Variants in MACROD2 observed in about 807,000 individuals in gnomAD.
MACROD2 encodes ADP-ribose glycohydrolase MACROD2.
Under a neutral mutation model 70.4 loss-of-function variants are expected in MACROD2, and 36 were observed. The ratio of observed to expected loss-of-function variants is 0.51; its 90% CI spans 0.39 to 0.68. The LOEUF (loss-of-function observed/expected upper bound fraction) is 0.68. Ranked by LOEUF, MACROD2 falls within the 30% of genes least tolerant of loss-of-function variation. The probability of loss-of-function intolerance (pLI) is 0.00; values close to 1 mark genes in which losing one functional copy is unlikely to be tolerated. For synonymous variants in MACROD2, 172 were observed against 178.8 expected (o/e 0.96, Z 0.30); for missense variants, 496 against 538.4 (o/e 0.92, Z 0.78).
chr20:14,572,435 T>C (rs1980255099), intron 4 of MACROD2, among the ~76,000 whole-genome samples: 1 of 152,010 alleles, frequency 6.6e-6, no homozygotes, highest in Admixed American at 6.6e-5. Context: ...CCTAGGTGTA[T>C]ACTCAAGAAA....
At chr20:14,953,686 T>C (rs529578290) in intron 5 of MACROD2, among the ~76,000 whole-genome samples, 1 of 152,186 alleles carries the variant, frequency 6.6e-6, no homozygotes, top group Non-Finnish European at 1.5e-5. Flanking sequence ...TCACACAGAA[T>C]TCTGTCAAGA....
intron 3 of MACROD2, among the ~76,000 whole-genome samples, chr20:14,178,224 G>C (rs1293359486): frequency 6.6e-6 from 1 of 152,126 alleles, no homozygotes; most frequent in Non-Finnish European, 1.5e-5. Context: ...ACAAAGAAAT[G>C]ATAAATGCAT....
At chr20:14,011,818 C>T (rs1365419491) in intron 2 of MACROD2, among the ~76,000 whole-genome samples, 6 of 152,138 alleles carry the variant, frequency 3.9e-5, no homozygotes, top group East Asian at 3.9e-4. Context: ...CCTGAGCCAC[C>T]GCGCCTGGCC....
chr20:16,039,575 G>A (rs989735824), intron 15 of MACROD2, among the ~76,000 whole-genome samples: 1 of 151,774 alleles, frequency 6.6e-6, no homozygotes. Context: ...CAAATATTTT[G>A]TTCTTGCTCC....
At chr20:15,153,415 A>G (rs1424677800) in intron 5 of MACROD2, among the ~76,000 whole-genome samples, 3 of 152,136 alleles carry the variant, frequency 2.0e-5, no homozygotes, top group African/African-American at 4.8e-5. Flanking sequence ...AGATAATGTC[A>G]TCAGCTAAGG....
intron 5 of MACROD2, among the ~76,000 whole-genome samples, chr20:15,110,127 A>G (rs2075943279): frequency 1.3e-5 from 2 of 152,164 alleles, no homozygotes; most frequent in African/African-American, 2.4e-5. Flanking sequence ...AAGTGCTATC[A>G]TTTAATTTAC....
chr20:15,309,428 C>T (rs534118392), intron 6 of MACROD2, among the ~76,000 whole-genome samples: 2 of 152,254 alleles, frequency 1.3e-5, no homozygotes, highest in African/African-American at 4.8e-5. Flanking sequence ...GCTGGCATCA[C>T]CCTAATTGGC....
intron 5 of MACROD2, among the ~76,000 whole-genome samples, chr20:14,884,086 C>T (rs755410014): frequency 1.3e-5 from 2 of 152,176 alleles, no homozygotes; most frequent in Non-Finnish European, 2.9e-5. Flanking sequence ...AAAGCACACT[C>T]TCTTCTTTCC....
chr20:16,013,727 G>A (rs1555565), intron 15 of MACROD2, among the ~76,000 whole-genome samples: 14,216 of 152,276 alleles, frequency 0.093, 662 homozygotes, highest in East Asian at 0.14. Context: ...GAGAGAGACA[G>A]AGAAAGTAAC....
intron 2 of MACROD2, among the ~76,000 whole-genome samples, chr20:14,047,924 A>G (rs2053502289): frequency 6.6e-6 from 1 of 152,222 alleles, no homozygotes. Flanking sequence ...TAAAACTTCA[A>G]AATTTCAAGT....
intron 4 of MACROD2, among the ~76,000 whole-genome samples, chr20:14,624,183 A>T: frequency 6.6e-6 from 1 of 152,192 alleles, no homozygotes; most frequent in East Asian, 1.9e-4. Flanking sequence ...GGTCTTCTCC[A>T]TCAGCTTTAG....
At chr20:15,312,187 A>C (rs536706331) in intron 6 of MACROD2, among the ~76,000 whole-genome samples, 2 of 152,352 alleles carry the variant, frequency 1.3e-5, no homozygotes, top group South Asian at 2.1e-4. Flanking sequence ...GTAGGAATTT[A>C]TCCTATATAC....
chr20:14,857,361 G>C (rs2073266245), intron 5 of MACROD2, among the ~76,000 whole-genome samples: 1 of 152,192 alleles, frequency 6.6e-6, no homozygotes, highest in African/African-American at 2.4e-5. Context: ...ACCTGAACAA[G>C]GTGAAGACAC....
At chr20:14,040,271 G>A (rs1357901216) in intron 2 of MACROD2, among the ~76,000 whole-genome samples, 2 of 152,076 alleles carry the variant, frequency 1.3e-5, no homozygotes, top group African/African-American at 4.8e-5. Context: ...GGCTACGAAA[G>A]TATACAGCAT....
At chr20:14,797,384 C>T (rs1255888639) in intron 5 of MACROD2, among the ~76,000 whole-genome samples, 1 of 152,006 alleles carries the variant, frequency 6.6e-6, no homozygotes, top group Non-Finnish European at 1.5e-5. Flanking sequence ...GATCTGGCTC[C>T]TGCAGTTCTC....
chr20:15,027,938 G>A (rs2075246374), intron 5 of MACROD2, among the ~76,000 whole-genome samples: 1 of 152,082 alleles, frequency 6.6e-6, no homozygotes, highest in African/African-American at 2.4e-5. Flanking sequence ...GAATTCTGAG[G>A]CTCCTCAGTG....
At chr20:14,163,350 A>G (rs2055218814) in intron 3 of MACROD2, among the ~76,000 whole-genome samples, 1 of 152,074 alleles carries the variant, frequency 6.6e-6, no homozygotes, top group Admixed American at 6.5e-5. Context: ...ATAAATGATT[A>G]GATACTTTTT....
intron 15 of MACROD2, among the ~76,000 whole-genome samples, chr20:16,004,205 C>T (rs1404991020): frequency 6.6e-6 from 1 of 152,112 alleles, no homozygotes; most frequent in Non-Finnish European, 1.5e-5. Flanking sequence ...CACAGTATGT[C>T]GGAGATCAGC....
chr20:14,928,876 A>G (rs936109945), intron 5 of MACROD2, among the ~76,000 whole-genome samples: 2 of 152,178 alleles, frequency 1.3e-5, no homozygotes, highest in South Asian at 4.1e-4. Context: ...AAAGTACTTG[A>G]AGAGCACGCT....
Sources: gnomAD v4.1 joint callset for allele counts (sites outside exome capture counted in the v4.1 genomes callset) on GRCh38, gnomAD v4.1.1 for gene constraint, MANE v1.5 for transcripts, NCBI Gene and HGNC (gene_info 2026-07-23, HGNC 2026-07-21) for gene names.